The following ERCC2 variants were observed in gnomAD, a reference collection of about 807,000 sequenced individuals.
The protein encoded by ERCC2 is ERCC excision repair 2, TFIIH core complex helicase subunit.
ERCC2 carries 90 observed loss-of-function variants against 99.4 expected under a neutral mutation model. The observed-to-expected ratio is 0.91, with a 90% CI of 0.76 to 1.08. The LOEUF is 1.08. Ranked by LOEUF, ERCC2 falls within the 50% of genes least tolerant of loss-of-function variation. The pLI, the probability that ERCC2 is intolerant of heterozygous loss-of-function variation, is 0.00. For synonymous variants in ERCC2, 497 were observed against 432.4 expected (o/e 1.15, Z -1.85); for missense variants, 993 against 1,038.1 (o/e 0.96, Z 0.60).
intron 8 of ERCC2, 36 bp downstream of exon 8, chr19:45,364,388 G>C (rs948598243): frequency 6.2e-7 from 1 of 1,613,900 alleles, no homozygotes; most frequent in Admixed American, 1.7e-5. Flanking sequence ...CACTCAGAGG[G>C]GCTGGCATCC....
In ERCC2 at chr19:45,352,328, C is replaced by T. The variant is rs1599723999; in HGVS notation, c.2071G>A (p.Gly691Arg). Residue 691 changes from glycine (G) to arginine (R), a missense_variant, in exon 22 of 23, where the codon GGG (glycine) becomes AGG (arginine). By Grantham distance (125) the Gly-to-Arg change is moderately radical. This residue lies in a region of ERCC2 where 909 missense variants were observed against 930.8 expected (regional missense o/e 0.98). Coordinates refer to ENST00000391945, the MANE Select transcript of ERCC2 (RefSeq NM_000400.4). ...TCCTGGATCCAGCGGGGCAGCTTCCCCCGCTTGTCCCCACGGGCAAACCGC... is the reference window on the plus strand; with the variant it reads ...TCCTGGATCCAGCGGGGCAGCTTCCTCCGCTTGTCCCCACGGGCAAACCGC... ...DKRFARGDKR[G>R]KLPRWIQEHL... The T allele has an allele frequency of 6.2e-7, 1 of 1,614,036 alleles. No homozygotes were observed. Among genetic ancestry groups the T allele is most frequent in the Non-Finnish European group, 8.5e-7 (1 of 1,180,012 alleles).
chr19:45,353,172 G>T lies in ERCC2; in HGVS notation c.1759-17C>A, dbSNP rs766831108. On this transcript the variant is annotated splice_polypyrimidine_tract_variant and intron_variant, in intron 18 of 22. Coordinates refer to ENST00000391945, the MANE Select transcript of ERCC2 (RefSeq NM_000400.4). ...CTCGCAGGCCTGAGGTGGGGAGACC[G>T]AGACGCAAGTTAGGTCACTCCTCAG... 97 of 1,613,710 alleles carry T rather than the reference G, an allele frequency of 6.0e-5. No homozygotes were observed. Among genetic ancestry groups the T allele is most frequent in the Non-Finnish European group, 2.5e-5 (29 of 1,179,894 alleles).
chr19:45,363,907 T>C lies in ERCC2; in HGVS notation c.954A>G (p.Ala318=), dbSNP rs1450583161. 2.6e-6 allele frequency: 4 copies of C among 1,544,270 alleles called. No homozygotes were observed. The South Asian group carries it at 4.7e-5, about 18-fold the overall frequency. Reference sequence around the variant, plus strand: ...CGGCCGTGCGGATGGAGCCAGGCACTGCCTCTGCGAGGAGACGCTATCAGC... The same window carrying C: ...CGGCCGTGCGGATGGAGCCAGGCACCGCCTCTGCGAGGAGACGCTATCAGC... The part of the protein sequence containing the change: ...PVLPDEVLQE[A]VPGSIRTAEH... The change falls in exon 11 of 23, where the codon GCA becomes GCG. Residue 318 remains alanine, a synonymous_variant. Coordinates refer to ENST00000391945, the MANE Select transcript of ERCC2 (RefSeq NM_000400.4).
chr19:45,357,433 G>A, intron 14 of ERCC2, 41 bp downstream of exon 14: 1 of 1,610,344 alleles, frequency 6.2e-7, no homozygotes, highest in South Asian at 1.1e-5. Context: ...GGCCCATGGA[G>A]GGAGGTCAGG....
In ERCC2 at chr19:45,351,053, C is replaced by T. The variant is rs1186873308; in HGVS notation, c.*576G>A. 12 of 1,613,672 alleles carry T rather than the reference C, an allele frequency of 7.4e-6. No homozygotes were observed. The highest frequency in any genetic ancestry group is 9.3e-6 in the Non-Finnish European group (11 of 1,179,896). On this transcript the variant is annotated 3_prime_UTR_variant, in exon 23 of 23. Transcript: ENST00000391945. Reference sequence around the variant, plus strand: ...CATCTGGGTCAAAAATAGAGGAGGCCATGTGGGTAGGTGCAGAGATGAGGC... The same window carrying T: ...CATCTGGGTCAAAAATAGAGGAGGCTATGTGGGTAGGTGCAGAGATGAGGC...
chr19:45,354,995 T>TC, intron 16 of ERCC2, 144 bp from the exon 17 acceptor site: 1 of 1,043,202 alleles, frequency 9.6e-7, no homozygotes, highest in Non-Finnish European at 1.5e-6. Context: ...CCCGGGCGTG[T>TC]CTGAGGACCC....
At chr19:45,365,406 G>C (rs1278097482) in intron 5 of ERCC2, among the ~76,000 whole-genome samples, 1 of 152,196 alleles carries the variant, frequency 6.6e-6, no homozygotes, top group East Asian at 1.9e-4. Context: ...CACGAGGTCA[G>C]GAGTTCGAGA....
rs1180792128 is a variant in ERCC2, at chr19:45,351,236, A to G, written c.*393T>C. ...GGACCTGGAGCTGGAGGGTGGATGTAACACTTGCCCCTCACCTCCCCTCCA... is the reference window on the plus strand; with the variant it reads ...GGACCTGGAGCTGGAGGGTGGATGTGACACTTGCCCCTCACCTCCCCTCCA... On this transcript the variant is annotated 3_prime_UTR_variant, in exon 23 of 23. Transcript: ENST00000391945. 3 of 1,586,272 alleles carry G rather than the reference A, an allele frequency of 1.9e-6. No individual in the cohort carries two copies. The highest frequency in any genetic ancestry group is 2.6e-6 in the Non-Finnish European group (3 of 1,165,574).
intron 3 of ERCC2, 21 bp from the exon 4 acceptor site, chr19:45,369,013 C>A: frequency 6.2e-7 from 1 of 1,614,068 alleles, no homozygotes; most frequent in Non-Finnish European, 8.5e-7. Flanking sequence ...CAAGCGGACT[C>A]AGTCCCTGTC....
intron 1 of ERCC2, 118 bp downstream of exon 1, chr19:45,370,418 C>CG: frequency 6.7e-7 from 1 of 1,499,316 alleles, no homozygotes. Context: ...CGGCTGCCCC[C>CG]GTCCCACCCC....
Sources: gnomAD v4.1 joint callset for allele counts (sites outside exome capture counted in the v4.1 genomes callset) on GRCh38, gnomAD v4.1.1 for gene constraint, gnomAD v4.1.1 regional missense constraint, MANE v1.5 for transcripts, NCBI Gene and HGNC (gene_info 2026-07-23, HGNC 2026-07-21) for gene names.